The following SAMD3 variants were observed in gnomAD, a reference collection of about 807,000 sequenced individuals.
SAMD3 encodes sterile alpha motif domain containing 3, also known as sterile alpha motif domain-containing protein 3.
In SAMD3, 63 loss-of-function variants were observed where a neutral mutation model predicts 58.5. That is an observed-to-expected ratio of 1.08 (90% CI 0.88 to 1.33). The LOEUF (loss-of-function observed/expected upper bound fraction) is 1.33, where lower values mean the gene tolerates loss of function less well. SAMD3 is among the 40% of genes most tolerant of loss of function. SAMD3 has a pLI of 0.00. For synonymous variants in SAMD3, 220 were observed against 210.3 expected, an observed-to-expected ratio of 1.05 and a Z score of -0.40; for missense variants, 604 against 608.4, an observed-to-expected ratio of 0.99 and a Z score of 0.08.
chr6:130,300,124 C>A (rs1298365952), intron 2 of SAMD3, among the ~76,000 whole-genome samples: 1 of 152,112 alleles, frequency 6.6e-6, no homozygotes, highest in South Asian at 2.1e-4. Flanking sequence ...CCAGTATCAT[C>A]CTGATACCAA....
At chr6:130,283,565 A>C (rs75812791) in intron 2 of SAMD3, among the ~76,000 whole-genome samples, 1 of 151,732 alleles carries the variant, frequency 6.6e-6, no homozygotes. Flanking sequence ...TAATAGCAAG[A>C]AAAAAGGCTA....
At chr6:130,275,861 G>A (rs188689829) in intron 2 of SAMD3, among the ~76,000 whole-genome samples, 23 of 152,140 alleles carry the variant, frequency 1.5e-4, no homozygotes, top group Admixed American at 3.9e-4. Flanking sequence ...CTTTGATTAT[G>A]ACCTTGCTCG....
chr6:130,221,707 G>T, intron 1 of SAMD3: 1 of 152,374 alleles, frequency 6.6e-6, no homozygotes, highest in South Asian at 2.1e-4. Context: ...AGGAGGAGGA[G>T]GAAGAGGAGA....
chr6:130,277,373 C>G (rs1247412525), intron 2 of SAMD3, among the ~76,000 whole-genome samples: 3 of 152,168 alleles, frequency 2.0e-5, no homozygotes, highest in Non-Finnish European at 2.9e-5. Flanking sequence ...GGACAGCCAG[C>G]CTGTAAGGCT....
At chr6:130,240,298 C>A (rs1247455097) in intron 2 of SAMD3, among the ~76,000 whole-genome samples, 1 of 152,142 alleles carries the variant, frequency 6.6e-6, no homozygotes, top group African/African-American at 2.4e-5. Flanking sequence ...CCAATTCATA[C>A]AACAAGCACC....
intron 2 of SAMD3, among the ~76,000 whole-genome samples, chr6:130,229,696 T>G (rs1424675119): frequency 6.6e-6 from 1 of 152,208 alleles, no homozygotes. Context: ...GACCTGTGTT[T>G]TCCCCCATTA....
At chr6:130,220,557 G>A (rs1425832122) in intron 1 of SAMD3, among the ~76,000 whole-genome samples, 1 of 152,208 alleles carries the variant, frequency 6.6e-6, no homozygotes, top group African/African-American at 2.4e-5. Flanking sequence ...TGAATTTTAT[G>A]AAAAGCTGGA....
intron 8 of SAMD3, among the ~76,000 whole-genome samples, chr6:130,168,462 A>T (rs988819661): frequency 6.6e-6 from 1 of 152,200 alleles, no homozygotes. Context: ...CAAACAAAAA[A>T]TCCACCTTCT....
intron 9 of SAMD3, 59 bp downstream of exon 9, chr6:130,154,766 A>G (rs1231464182): frequency 4.7e-6 from 3 of 635,440 alleles, no homozygotes; most frequent in Non-Finnish European, 7.6e-6. Flanking sequence ...ATATTAAAAT[A>G]TGTGTGTGTG....
chr6:130,265,799 C>T (rs1774325261), intron 2 of SAMD3, among the ~76,000 whole-genome samples: 1 of 152,060 alleles, frequency 6.6e-6, no homozygotes, highest in Non-Finnish European at 1.5e-5. Flanking sequence ...AATGAATCAC[C>T]TTGAAATTTG....
In SAMD3 at chr6:130,272,529, G is replaced by A. The variant is rs185813072; in HGVS notation, c.-188+40449C>T. 4.5e-3 allele frequency among the ~76,000 whole-genome samples: 687 copies of A among 152,256 alleles called. 2 individuals are homozygous for A. The highest frequency in any genetic ancestry group is 7.4e-3 in the Non-Finnish European group (502 of 68,022). On this transcript the variant is annotated intron_variant, in intron 2 of 13. Transcript: ENST00000368134. ...TAAACAATGAGGAAATAATTAGAGA[G>A]CCAGGAATACATTCCCTTAAAATAC...
chr6:130,338,444 G>A (rs1777167361), intron 1 of SAMD3, among the ~76,000 whole-genome samples: 1 of 152,234 alleles, frequency 6.6e-6, no homozygotes, highest in Non-Finnish European at 1.5e-5. Context: ...GCACTGCCTA[G>A]TGGAGCTGTG....
At chr6:130,215,369 C>A (rs1795945067) in intron 2 of SAMD3, 75 bp from the exon 3 acceptor site, 2 of 1,274,838 alleles carry the variant, frequency 1.6e-6, no homozygotes, top group African/African-American at 1.5e-5. Context: ...TAACAGTCAG[C>A]CGCTTCCTTT....
At chr6:130,289,177 A>C (rs1019572195) in intron 2 of SAMD3, among the ~76,000 whole-genome samples, 24 of 152,214 alleles carry the variant, frequency 1.6e-4, no homozygotes, top group Non-Finnish European at 2.8e-4. Flanking sequence ...TGCTAGAAGT[A>C]CTTTATAGGC....
intron 2 of SAMD3, among the ~76,000 whole-genome samples, chr6:130,269,258 A>T (rs1774470302): frequency 6.6e-6 from 1 of 152,190 alleles, no homozygotes; most frequent in Admixed American, 6.5e-5. Context: ...GTCAAAAATC[A>T]TTGGGTATAT....
At chr6:130,365,464 G>T (rs962980909), upstream of SAMD3, 6 of 985,552 alleles carry the variant, frequency 6.1e-6, no homozygotes, top group Non-Finnish European at 7.2e-6. Context: ...CGCCCGCGCA[G>T]CCCGCCAGGG....
chr6:130,308,643 A>T (rs945807248), intron 2 of SAMD3, among the ~76,000 whole-genome samples: 3 of 152,030 alleles, frequency 2.0e-5, no homozygotes, highest in Non-Finnish European at 4.4e-5. Context: ...GGGAAGGATA[A>T]AGTCTGCCTC....
chr6:130,342,928 G>A (rs115023132), intron 1 of SAMD3, among the ~76,000 whole-genome samples: 3,421 of 152,196 alleles, frequency 0.022, 127 homozygotes, highest in African/African-American at 0.072. Context: ...TTTGACCATG[G>A]TGGGGCCTTG....
At chr6:130,238,851 T>C (rs200099818) in intron 2 of SAMD3, among the ~76,000 whole-genome samples, 2 of 152,148 alleles carry the variant, frequency 1.3e-5, no homozygotes, top group Non-Finnish European at 2.9e-5. Flanking sequence ...CTGTGCCTCC[T>C]GGGTTCAGGT....
Sources: allele counts gnomAD v4.1 joint callset (sites outside exome capture counted in the v4.1 genomes callset), GRCh38; gene constraint gnomAD v4.1.1; transcripts MANE v1.5; gene names NCBI Gene and HGNC (gene_info 2026-07-23, HGNC 2026-07-21).